MAF: variants seen among roughly 807,000 people sequenced by gnomAD.
The protein encoded by MAF is MAF bZIP transcription factor, also known as transcription factor Maf.
Under a neutral mutation model 22.0 loss-of-function variants are expected in MAF, and 10 were observed. The ratio of observed to expected loss-of-function variants is 0.45; its 90% CI spans 0.28 to 0.77. MAF has a LOEUF of 0.77. Ranked by LOEUF, MAF falls within the 30% of genes least tolerant of loss-of-function variation. The pLI is 0.12. For synonymous variants in MAF, 337 were observed against 255.8 expected, an observed-to-expected ratio of 1.32 and a Z score of -3.03; for missense variants, 544 against 548.4, an observed-to-expected ratio of 0.99 and a Z score of 0.08.
chr16:79,450,663 G>T, the MAF span, among the ~76,000 whole-genome samples: 3 of 152,144 alleles, frequency 2.0e-5, no homozygotes, highest in African/African-American at 7.2e-5. Context: ...TATTTTGTCT[G>T]ACTGTTTTAT....
At chr16:79,468,927 C>A in the MAF span, among the ~76,000 whole-genome samples, 2 of 152,102 alleles carry the variant, frequency 1.3e-5, no homozygotes, top group Non-Finnish European at 2.9e-5. Context: ...TTCAATCAAT[C>A]GTGGGCTCAC....
chr16:79,422,666 G>A, the MAF span, among the ~76,000 whole-genome samples: 6 of 152,124 alleles, frequency 3.9e-5, no homozygotes, highest in African/African-American at 1.4e-4. Flanking sequence ...CCTTTGGGGG[G>A]CATATCTGGC....
At chr16:79,547,928 G>GATAGAGAT in the MAF span, among the ~76,000 whole-genome samples, 2 of 151,882 alleles carry the variant, frequency 1.3e-5, no homozygotes, top group Admixed American at 6.6e-5. Flanking sequence ...GATAGAGAGA[G>GATAGAGAT]AGAGAGAGAG....
chr16:79,559,833 T>A, the MAF span, among the ~76,000 whole-genome samples: 2 of 152,226 alleles, frequency 1.3e-5, no homozygotes, highest in African/African-American at 2.4e-5. Context: ...AAAGCATGGA[T>A]GCTTGAAAGT....
the MAF span, among the ~76,000 whole-genome samples, chr16:79,344,969 G>A: frequency 1.3e-5 from 2 of 152,258 alleles, no homozygotes; most frequent in South Asian, 4.2e-4. Context: ...ACCACTCCCA[G>A]GCTGTTGTGT....
At chr16:79,434,460 A>C in the MAF span, among the ~76,000 whole-genome samples, 1 of 152,160 alleles carries the variant, frequency 6.6e-6, no homozygotes, top group African/African-American at 2.4e-5. Context: ...TGAAAATGTA[A>C]CAATTGGCTC....
the MAF span, among the ~76,000 whole-genome samples, chr16:79,535,241 A>G: frequency 6.6e-6 from 1 of 152,018 alleles, no homozygotes; most frequent in Non-Finnish European, 1.5e-5. Context: ...ATTGCTTTTC[A>G]CACTGTAGAG....
At chr16:79,399,038 A>G in the MAF span, among the ~76,000 whole-genome samples, 7 of 152,312 alleles carry the variant, frequency 4.6e-5, no homozygotes, top group East Asian at 1.4e-3. Flanking sequence ...TCTTAGCATT[A>G]TGCCTGCAAT....
Position 79,598,997 on chromosome 16 carries a change from G to A in MAF, c.906C>T (p.Ala302=). 1 of 1,613,752 alleles carries A rather than the reference G, an allele frequency of 6.2e-7. No individual in the cohort carries two copies. Among genetic ancestry groups the A allele is most frequent in the Non-Finnish European group, 8.5e-7 (1 of 1,179,952 alleles). Residue 302 remains alanine, a synonymous_variant, in exon 1 of 2, where the codon GCC becomes GCT. Transcript: ENST00000326043. The part of the protein sequence containing the change: ...KRRTLKNRGY[A]QSCRFKRVQQ... ...GCACCCTCTTGAAGCGGCAGGACTG[G>A]GCATAGCCGCGGTTTTTCAGGGTCC...
the MAF span, among the ~76,000 whole-genome samples, chr16:79,457,103 T>TGTTGATTTG: frequency 2.0e-5 from 3 of 152,198 alleles, no homozygotes; most frequent in African/African-American, 7.2e-5. Flanking sequence ...GAATCACAAG[T>TGTTGATTTG]GTTGATTTGT....
the MAF span, among the ~76,000 whole-genome samples, chr16:79,467,643 A>G: frequency 1.3e-5 from 2 of 152,084 alleles, no homozygotes; most frequent in Admixed American, 1.3e-4. Context: ...TTGGGCCTTG[A>G]TAGAAATGCA....
At chr16:79,514,210 G>T in the MAF span, among the ~76,000 whole-genome samples, 1 of 152,348 alleles carries the variant, frequency 6.6e-6, no homozygotes, top group East Asian at 1.9e-4. Flanking sequence ...TGTTCTCATT[G>T]TCTATTCATA....
the MAF span, among the ~76,000 whole-genome samples, chr16:79,538,306 T>C: frequency 6.6e-6 from 1 of 152,164 alleles, no homozygotes; most frequent in Non-Finnish European, 1.5e-5. Context: ...ATACAAACCA[T>C]TAGAGAAAGG....
chr16:79,226,418 A>T, the MAF span, among the ~76,000 whole-genome samples: 1 of 152,104 alleles, frequency 6.6e-6, no homozygotes, highest in East Asian at 1.9e-4. Flanking sequence ...TAGGAGACAT[A>T]CCTAATGTAG....
the MAF span, among the ~76,000 whole-genome samples, chr16:79,249,315 A>G: frequency 6.6e-6 from 1 of 150,650 alleles, no homozygotes; most frequent in South Asian, 2.1e-4. Flanking sequence ...GCTACTTGGG[A>G]GGCTGAGGCA....
the MAF span, among the ~76,000 whole-genome samples, chr16:79,371,934 G>C: frequency 3.3e-5 from 5 of 152,322 alleles, no homozygotes; most frequent in African/African-American, 1.2e-4. Flanking sequence ...TTTCTCATCT[G>C]TTAAATGTGG....
the MAF span, among the ~76,000 whole-genome samples, chr16:79,523,096 T>G: frequency 6.6e-6 from 1 of 152,198 alleles, no homozygotes; most frequent in African/African-American, 2.4e-5. Context: ...CATCTAATGG[T>G]TTTTCCATCT....
chr16:79,401,839 T>A, the MAF span, among the ~76,000 whole-genome samples: 1 of 152,086 alleles, frequency 6.6e-6, no homozygotes, highest in African/African-American at 2.4e-5. Flanking sequence ...TATCCCCAAG[T>A]AGGAAGGGGT....
the MAF span, among the ~76,000 whole-genome samples, chr16:79,226,667 T>A: frequency 6.6e-6 from 1 of 151,450 alleles, no homozygotes; most frequent in South Asian, 2.1e-4. Context: ...AAAAAATGAA[T>A]GAAAAAGTGC....
Sources: gnomAD v4.1 joint callset for allele counts (sites outside exome capture counted in the v4.1 genomes callset) on GRCh38, gnomAD v4.1.1 for gene constraint, MANE v1.5 for transcripts, NCBI Gene and HGNC (gene_info 2026-07-23, HGNC 2026-07-21) for gene names.